The following CDKL5 variants were observed in gnomAD, a reference collection of about 807,000 sequenced individuals.
CDKL5 encodes the protein cyclin dependent kinase like 5, also known as cyclin-dependent kinase-like 5.
A neutral mutation model predicts 61.7 loss-of-function variants in CDKL5; 8 were observed. That is an observed-to-expected ratio of 0.13 (90% CI 0.08 to 0.23). CDKL5 has a LOEUF of 0.23. CDKL5 is among the 10% of genes least tolerant of loss of function. The probability of loss-of-function intolerance (pLI) is 1.00; values close to 1 mark genes in which losing one functional copy is unlikely to be tolerated. For missense variants in CDKL5, 440 were observed against 734.5 expected (o/e 0.60, Z 4.63); for synonymous variants, 275 against 272.3 (o/e 1.01, Z -0.10).
chrX:18,520,031 A>G (rs909627327), intron 3 of CDKL5, among the ~76,000 whole-genome samples: 1 of 112,011 alleles, frequency 8.9e-6, no homozygotes, highest in Non-Finnish European at 1.9e-5. Context: ...CATACAAGTC[A>G]GTAGATGGTT....
At chrX:18,471,166 A>T (rs1921081184) in intron 1 of CDKL5, among the ~76,000 whole-genome samples, 1 of 111,061 alleles carries the variant, frequency 9.0e-6, no homozygotes, top group South Asian at 3.8e-4. Context: ...ATGTGTGGTT[A>T]AAAATTTTTA....
At chrX:18,457,512 T>C (rs755056564) in intron 1 of CDKL5, 5 of 112,099 alleles carry the variant, frequency 4.5e-5, no homozygotes, top group Non-Finnish European at 9.4e-5. Flanking sequence ...AAAACATGGC[T>C]ACTGGATTTC....
chrX:18,604,724 C>T lies in CDKL5; in HGVS notation c.1800C>T (p.Ser600=), dbSNP rs772909747. The change falls in exon 12 of 18, where the codon AGC becomes AGT. Residue 600 remains serine, a synonymous_variant. Coordinates refer to ENST00000623535, the MANE Select transcript of CDKL5 (RefSeq NM_001323289.2). The stretch of plus-strand genomic sequence containing the variant: ...TTTCTTATGGACTGGGCTACACCAG[C>T]CCCTTTTCTTCCCAGCAACGTCCTC... ...ESFSYGLGYT[S]PFSSQQRPHR... is the part of the protein sequence containing the mutation. 4.1e-6 allele frequency: 5 copies of T among 1,210,173 alleles called. No homozygotes were observed. Among genetic ancestry groups the T allele is most frequent in the Non-Finnish European group, 5.6e-6 (5 of 895,183 alleles).
At chrX:18,591,752 C>A (rs1375585918) in intron 9 of CDKL5, among the ~76,000 whole-genome samples, 10 of 111,182 alleles carry the variant, frequency 9.0e-5, no homozygotes, top group Non-Finnish European at 1.9e-4. Context: ...ATAATGCTCC[C>A]AACACTCACC....
intron 1 of CDKL5, chrX:18,426,906 A>G (rs898567505): frequency 8.9e-6 from 1 of 112,004 alleles, no homozygotes; most frequent in Non-Finnish European, 1.9e-5. Flanking sequence ...CACCGAGGCT[A>G]TTCGGAATTA....
At chrX:18,483,596 A>G (rs1051910107) in intron 1 of CDKL5, among the ~76,000 whole-genome samples, 12 of 108,788 alleles carry the variant, frequency 1.1e-4, no homozygotes, top group African/African-American at 3.7e-4. Flanking sequence ...TTTTTTTTGC[A>G]ATTTTAGTAG....
intron 3 of CDKL5, among the ~76,000 whole-genome samples, chrX:18,516,471 C>A (rs553986361): frequency 9.0e-6 from 1 of 110,550 alleles, no homozygotes; most frequent in African/African-American, 3.3e-5. Flanking sequence ...CACCCAAATT[C>A]TAATTCTTTG....
chrX:18,641,976 C>G, downstream of CDKL5: 5 of 1,208,408 alleles, frequency 4.1e-6, no homozygotes, highest in Non-Finnish European at 5.6e-6. Context: ...CCAGTCACCC[C>G]CTGGCAGGCG....
chrX:18,445,816 C>T (rs776244097), intron 1 of CDKL5, among the ~76,000 whole-genome samples: 54 of 111,258 alleles, frequency 4.9e-4, no homozygotes, highest in Middle Eastern at 4.6e-3. Flanking sequence ...AACCTTTTTC[C>T]TTTATAAAAT....
chrX:18,478,243 A>G (rs1453604645), intron 1 of CDKL5, among the ~76,000 whole-genome samples: 1 of 99,280 alleles, frequency 1.0e-5, no homozygotes, highest in African/African-American at 3.7e-5. Flanking sequence ...TGAATGTGTC[A>G]TCTTACTGCC....
Position 18,438,562 on chromosome X carries a change from A to T in CDKL5, c.-163+12867A>T, listed in dbSNP as rs1410637222. The stretch of plus-strand genomic sequence containing the variant: ...TTCCAGCACTTTGGGAGGCCGAGGC[A>T]GGTGGATCACGAGGTCAGGAGTTCA... On this transcript the variant is annotated intron_variant, in intron 1 of 17. Transcript: ENST00000623535. Among the ~76,000 whole-genome samples, 10 of 107,114 alleles carry T rather than the reference A, an allele frequency of 9.3e-5. No homozygotes were observed. The Admixed American group carries it at 1.0e-3, about 11-fold the overall frequency. 93.0% of individuals were successfully genotyped at this position (107,114 alleles called of 115,157 possible). A position where few individuals can be genotyped will look rare whatever the true frequency, so the allele number is the denominator to read the frequency against.
chrX:18,604,450 C>G lies in CDKL5; in HGVS notation c.1526C>G (p.Ala509Gly). 1 of 1,211,471 alleles carries G rather than the reference C, an allele frequency of 8.3e-7. No homozygotes were observed. The highest frequency in any genetic ancestry group is 1.1e-6 in the Non-Finnish European group (1 of 895,185). ...CTTTCTGAAGCCAGGGCCCAAATTG[C>G]GGAGCCCAGTACCAGTAGGTACTTC... ...SNLSEARAQI[A>G]EPSTSRYFPS... The change falls in exon 12 of 18, where the codon GCG (alanine) becomes GGG (glycine). Residue 509 changes from alanine (A) to glycine (G), a missense_variant. Ala to Gly is a moderately conservative substitution (Grantham distance 60). Transcript: ENST00000623535.
At chrX:18,646,249 G>A (rs1187140934) in intron 20 of CDKL5, among the ~76,000 whole-genome samples, 1 of 111,578 alleles carries the variant, frequency 9.0e-6, no homozygotes, top group Admixed American at 9.5e-5. Flanking sequence ...CGCCTCCCAG[G>A]TTCAAGTGAT....
intron 1 of CDKL5, among the ~76,000 whole-genome samples, chrX:18,455,995 CAGA>C (rs1390199401): frequency 9.0e-6 from 1 of 111,581 alleles, no homozygotes; most frequent in African/African-American, 3.2e-5. Context: ...CTGAATGAAA[CAGA>C]AGTTCTGGCC....
chrX:18,576,554 A>C (rs976930307), intron 5 of CDKL5, among the ~76,000 whole-genome samples: 5 of 111,197 alleles, frequency 4.5e-5, no homozygotes, highest in African/African-American at 1.6e-4. Context: ...AATGGAAAGC[A>C]GTATTGCCAG....
intron 8 of CDKL5, among the ~76,000 whole-genome samples, chrX:18,587,249 A>G (rs183099035): frequency 6.9e-4 from 76 of 110,836 alleles, no homozygotes; most frequent in Admixed American, 1.6e-3. Context: ...TTCATATACA[A>G]CCTCCATTTA....
chrX:18,602,313 C>G (rs1926203794), intron 11 of CDKL5, among the ~76,000 whole-genome samples: 1 of 112,181 alleles, frequency 8.9e-6, no homozygotes. Flanking sequence ...TTTGAAAAGT[C>G]GCTGAGATAT....
intron 1 of CDKL5, among the ~76,000 whole-genome samples, chrX:18,427,350 A>T (rs868842497): frequency 2.0e-5 from 1 of 50,037 alleles, no homozygotes; most frequent in Non-Finnish European, 3.8e-5. Context: ...AGGGTGGTTG[A>T]GGGGGGAAGG....
At chrX:18,461,164 A>G (rs576450836) in intron 1 of CDKL5, among the ~76,000 whole-genome samples, 3 of 112,294 alleles carry the variant, frequency 2.7e-5, no homozygotes, top group South Asian at 3.7e-4. Flanking sequence ...AAAACTATGA[A>G]TGTTTTTGTA....
Sources: gnomAD v4.1 joint callset for allele counts (sites outside exome capture counted in the v4.1 genomes callset) on GRCh38, gnomAD v4.1.1 for gene constraint, MANE v1.5 for transcripts, NCBI Gene and HGNC (gene_info 2026-07-23, HGNC 2026-07-21) for gene names.